The following SPOCK3 variants were observed in gnomAD, a reference collection of about 807,000 sequenced individuals.
SPOCK3 encodes testican-3.
SPOCK3 carries 30 observed loss-of-function variants against 56.6 expected under a neutral mutation model. The observed-to-expected ratio is 0.53, with a 90% confidence interval of 0.40 to 0.72. The LOEUF (loss-of-function observed/expected upper bound fraction) is 0.72, where lower values mean the gene tolerates loss of function less well. Ranked by LOEUF, SPOCK3 falls within the 30% of genes least tolerant of loss-of-function variation. The probability of loss-of-function intolerance (pLI) is 0.00; values close to 1 mark genes in which losing one functional copy is unlikely to be tolerated. For synonymous variants in SPOCK3, 196 were observed against 183.3 expected (o/e 1.07, Z -0.56); for missense variants, 527 against 530.0 (o/e 0.99, Z 0.06).
chr4:166,844,114 A>G (rs985263556), intron 6 of SPOCK3, among the ~76,000 whole-genome samples: 1 of 152,204 alleles, frequency 6.6e-6, no homozygotes, highest in Non-Finnish European at 1.5e-5. Context: ...AGCCACTACA[A>G]TTTGGGAAGT....
intron 2 of SPOCK3, among the ~76,000 whole-genome samples, chr4:167,195,584 C>T (rs752235340): frequency 1.1e-4 from 17 of 152,146 alleles, no homozygotes; most frequent in Non-Finnish European, 2.1e-4. Flanking sequence ...AGGCTAGAGC[C>T]AAGTTCAGAT....
At chr4:166,878,053 G>T (rs1733278385) in intron 6 of SPOCK3, among the ~76,000 whole-genome samples, 3 of 152,218 alleles carry the variant, frequency 2.0e-5, no homozygotes, top group African/African-American at 7.2e-5. Context: ...GAGGCAGGTG[G>T]ATCACCTGAG....
intron 6 of SPOCK3, among the ~76,000 whole-genome samples, chr4:166,808,448 C>A (rs1484416226): frequency 7.1e-6 from 1 of 141,814 alleles, no homozygotes. Context: ...AGAAGAAATT[C>A]TCTCTCTCTC....
intron 6 of SPOCK3, among the ~76,000 whole-genome samples, chr4:166,871,190 A>G (rs1232450428): frequency 6.6e-6 from 1 of 152,144 alleles, no homozygotes; most frequent in Admixed American, 6.6e-5. Context: ...AACAAGTAAA[A>G]GGAAGAAAAT....
intron 6 of SPOCK3, among the ~76,000 whole-genome samples, chr4:166,796,725 C>A (rs1009840731): frequency 6.6e-6 from 1 of 152,102 alleles, no homozygotes; most frequent in African/African-American, 2.4e-5. Context: ...AGAAATGCAA[C>A]ACATCATTCC....
rs1356774043 is a variant in SPOCK3, at chr4:166,761,921, A to AAAAAAAAAAGAG, written c.710-7193_710-7192insCTCTTTTTTTTT. On this transcript the variant is annotated intron_variant, in intron 7 of 10. Coordinates refer to ENST00000357545, the MANE Select transcript of SPOCK3 (RefSeq NM_001040159.2). ...AAAAAAAAAAAAAAAAAAAAAAAAA[A>AAAAAAAAAAGAG]AGAGATTTGGGGGCTTGAAAAATTT... Among the ~76,000 whole-genome samples, 2 of 150,762 alleles carry AAAAAAAAAAGAG rather than the reference A, an allele frequency of 1.3e-5. 1 individual carries two copies. Among genetic ancestry groups the AAAAAAAAAAGAG allele is most frequent in the African/African-American group, 4.9e-5 (2 of 40,812 alleles).
intron 2 of SPOCK3, among the ~76,000 whole-genome samples, chr4:167,202,003 C>T (rs1007284074): frequency 6.6e-5 from 10 of 151,666 alleles, no homozygotes; most frequent in Admixed American, 2.0e-4. Flanking sequence ...ATTTATAGAC[C>T]AGAATTTATT....
At chr4:167,229,559 T>C (rs934181262) in intron 2 of SPOCK3, among the ~76,000 whole-genome samples, 21 of 152,124 alleles carry the variant, frequency 1.4e-4, no homozygotes, top group African/African-American at 4.8e-4. Flanking sequence ...CACACCATCA[T>C]CCATTATCTC....
intron 5 of SPOCK3, among the ~76,000 whole-genome samples, chr4:166,893,792 G>A (rs554226007): frequency 2.6e-5 from 4 of 152,172 alleles, no homozygotes; most frequent in African/African-American, 7.2e-5. Context: ...ACTGACTAAT[G>A]TATTATATTT....
intron 3 of SPOCK3, among the ~76,000 whole-genome samples, chr4:167,010,862 A>G (rs575936306): frequency 1.3e-5 from 2 of 152,258 alleles, no homozygotes; most frequent in South Asian, 4.1e-4. Context: ...AAAAATAGTG[A>G]GGAAGTCGAA....
intron 4 of SPOCK3, among the ~76,000 whole-genome samples, chr4:166,986,602 A>G (rs999798853): frequency 6.6e-6 from 1 of 152,170 alleles, no homozygotes; most frequent in Non-Finnish European, 1.5e-5. Flanking sequence ...GATGTGTATC[A>G]TCACAAAAGC....
intron 6 of SPOCK3, among the ~76,000 whole-genome samples, chr4:166,797,400 AAAC>A (rs1256236761): frequency 6.6e-6 from 1 of 151,458 alleles, no homozygotes; most frequent in African/African-American, 2.4e-5. Context: ...ACAAATATGT[AAAC>A]AACAAGAAGA....
At chr4:166,908,730 T>C (rs1453914536) in intron 5 of SPOCK3, among the ~76,000 whole-genome samples, 1 of 152,064 alleles carries the variant, frequency 6.6e-6, no homozygotes, top group Non-Finnish European at 1.5e-5. Flanking sequence ...ATATTATTTA[T>C]TGACTTGTGC....
Position 166,994,672 on chromosome 4 carries a change from C to T in SPOCK3, c.350+5677G>A, listed in dbSNP as rs1258842479. 2.6e-5 allele frequency among the ~76,000 whole-genome samples: 4 copies of T among 152,164 alleles called. No homozygotes were observed. The East Asian group carries it at 7.7e-4, about 29-fold the overall frequency. On this transcript the variant is annotated intron_variant, in intron 4 of 10. Transcript: ENST00000357545. Reference sequence around the variant, plus strand: ...TGTGTACTTCAAAAATAAAGTCAATCCTGTGACTTATTTTCATATATGAGA... The same window carrying T: ...TGTGTACTTCAAAAATAAAGTCAATTCTGTGACTTATTTTCATATATGAGA...
chr4:167,164,971 G>T (rs1765632613), intron 2 of SPOCK3, among the ~76,000 whole-genome samples: 1 of 152,002 alleles, frequency 6.6e-6, no homozygotes, highest in African/African-American at 2.4e-5. Context: ...GGGAATGCTG[G>T]GTCAAATGAT....
chr4:166,806,477 C>T (rs1743175306), intron 6 of SPOCK3, among the ~76,000 whole-genome samples: 1 of 152,044 alleles, frequency 6.6e-6, no homozygotes. Context: ...ATTTCTCCAA[C>T]ATTTTCAGTG....
chr4:166,954,822 C>A (rs769914814), intron 4 of SPOCK3, among the ~76,000 whole-genome samples: 1 of 152,168 alleles, frequency 6.6e-6, no homozygotes, highest in Non-Finnish European at 1.5e-5. Context: ...CTCCATCCCC[C>A]ACCCGCAGGT....
rs1192190060 is a variant in SPOCK3 at position 167,109,006 on chromosome 4, A to ATAT, written c.190-46472_190-46470dup. Among the ~76,000 whole-genome samples, 11 of 98,532 alleles carry ATAT rather than the reference A, an allele frequency of 1.1e-4. 2 individuals carry two copies. The highest frequency in any genetic ancestry group is 2.8e-4 in the African/African-American group (6 of 21,296). The allele number at this position is 98,532 out of a possible 152,430, so 64.6% of individuals were successfully genotyped here. A position where few individuals can be genotyped will look rare whatever the true frequency, so the allele number is the denominator to read the frequency against. The stretch of plus-strand genomic sequence containing the variant: ...TAAATATATATTTATATATATATAA[A>ATAT]TATATACTTATATAAAAATATATAT... On this transcript the variant is annotated intron_variant, in intron 2 of 10. Transcript: ENST00000357545.
Position 166,748,735 on chromosome 4 carries a change from C to T in SPOCK3, c.931+5773G>A, listed in dbSNP as rs1237857176. Among the ~76,000 whole-genome samples the T allele has an allele frequency of 2.2e-5, 3 of 136,870 alleles. 1 individual carries two copies. The highest frequency in any genetic ancestry group is 4.6e-5 in the Non-Finnish European group (3 of 64,622). The allele number at this position is 136,870 out of a possible 152,430, so 89.8% of individuals were successfully genotyped here. On this transcript the variant is annotated intron_variant, in intron 8 of 10. Coordinates refer to ENST00000357545, the MANE Select transcript of SPOCK3 (RefSeq NM_001040159.2). ...TGGGAGAAAATTTTTGCAATCTATT[C>T]ATCTGACAAAGGGCTAACATCCAGA...
Sources: allele counts gnomAD v4.1 joint callset (sites outside exome capture counted in the v4.1 genomes callset), GRCh38; gene constraint gnomAD v4.1.1; transcripts MANE v1.5; gene names NCBI Gene and HGNC (gene_info 2026-07-23, HGNC 2026-07-21).